RAD51B: variants seen among roughly 807,000 people sequenced by gnomAD.
RAD51B encodes DNA repair protein RAD51 homolog 2.
RAD51B carries 38 observed loss-of-function variants against 42.2 expected under a neutral mutation model. The ratio of observed to expected loss-of-function variants is 0.90; its 90% CI spans 0.70 to 1.18. The LOEUF is 1.18. Among genes scored for constraint, RAD51B ranks in the 50% most tolerant of loss-of-function variants. RAD51B has a pLI of 0.00. For missense variants in RAD51B, 373 were observed against 400.7 expected (o/e 0.93, Z 0.59); for synonymous variants, 154 against 145.2 (o/e 1.06, Z -0.43).
rs181924992 is a variant in RAD51B at position 67,976,413 on chromosome 14, T to C, written c.756+89209T>C. On this transcript the variant is annotated intron_variant, in intron 7 of 10. Coordinates refer to ENST00000471583, the MANE Select transcript of RAD51B (RefSeq NM_133510.4). ...AATTACAGGTGTGAGCCACTCCACT[T>C]GGCTCAACTCTAGTTTTTTGTTTTT... Among the ~76,000 whole-genome samples, 634 of 151,996 alleles carry C rather than the reference T, an allele frequency of 4.2e-3. 5 individuals are homozygous for C. Among genetic ancestry groups the C allele is most frequent in the Middle Eastern group, 0.014 (4 of 292 alleles).
intron 8 of RAD51B, among the ~76,000 whole-genome samples, chr14:68,316,486 T>C (rs371945582): frequency 6.6e-6 from 1 of 152,192 alleles, no homozygotes; most frequent in African/African-American, 2.4e-5. Context: ...TTAGCCAACA[T>C]GCAACATTAG....
Position 67,965,942 on chromosome 14 carries a change from C to G in RAD51B, c.756+78738C>G, listed in dbSNP as rs74452164. ...GCCGACTAGTTTCTCTTGGGCAAAC[C>G]AGGAAGAAGGACTCAATCCCAGAAG... On this transcript the variant is annotated intron_variant, in intron 7 of 10. Transcript: ENST00000471583. Among the ~76,000 whole-genome samples the G allele has an allele frequency of 3.3e-3, 507 of 152,180 alleles. 3 individuals are homozygous for G. Among genetic ancestry groups the G allele is most frequent in the African/African-American group, 0.012 (484 of 41,516 alleles).
At chr14:68,518,733 G>A (rs1338044912) in intron 10 of RAD51B, among the ~76,000 whole-genome samples, 1 of 152,192 alleles carries the variant, frequency 6.6e-6, no homozygotes, top group East Asian at 1.9e-4. Context: ...GTTGAACAAG[G>A]TTAGCAGCGT....
intron 7 of RAD51B, among the ~76,000 whole-genome samples, chr14:68,001,123 G>A (rs868015582): frequency 3.0e-4 from 46 of 152,130 alleles, no homozygotes; most frequent in African/African-American, 1.1e-3. Context: ...TTTTTATTAT[G>A]TAATCCAATC....
intron 9 of RAD51B, among the ~76,000 whole-genome samples, chr14:68,425,979 C>CTTCCTTT (rs1555408046): frequency 1.7e-5 from 1 of 58,808 alleles, no homozygotes; most frequent in East Asian, 3.0e-4. Context: ...TTTCTTTCTT[C>CTTCCTTT]CTTCCTTCCT....
intron 1 of RAD51B, among the ~76,000 whole-genome samples, chr14:67,822,719 C>CT (rs1421755140): frequency 1.3e-5 from 2 of 151,578 alleles, no homozygotes; most frequent in African/African-American, 4.8e-5. Context: ...CCAGACCTGT[C>CT]TCGCTCTCTC....
intron 7 of RAD51B, among the ~76,000 whole-genome samples, chr14:68,079,224 G>C (rs1286214153): frequency 6.6e-6 from 1 of 151,962 alleles, no homozygotes; most frequent in African/African-American, 2.4e-5. Flanking sequence ...CACTATGCTG[G>C]TATGATTTCA....
At chr14:67,957,235 A>G (rs2074569097) in intron 7 of RAD51B, among the ~76,000 whole-genome samples, 1 of 152,234 alleles carries the variant, frequency 6.6e-6, no homozygotes, top group South Asian at 2.1e-4. Flanking sequence ...GTTAAGTTGG[A>G]GATAAAGCAG....
At chr14:68,112,864 CATT>C (rs1290486206) in intron 7 of RAD51B, among the ~76,000 whole-genome samples, 1 of 152,090 alleles carries the variant, frequency 6.6e-6, no homozygotes, top group African/African-American at 2.4e-5. Context: ...GACATGTCAT[CATT>C]GTTTCTTTAC....
intron 7 of RAD51B, among the ~76,000 whole-genome samples, chr14:68,054,105 T>C (rs1406936561): frequency 1.3e-5 from 2 of 152,220 alleles, no homozygotes. Context: ...AAACATGATG[T>C]AATTATCAAA....
chr14:68,021,336 G>A (rs554093015), intron 7 of RAD51B, among the ~76,000 whole-genome samples: 1 of 152,264 alleles, frequency 6.6e-6, no homozygotes, highest in African/African-American at 2.4e-5. Context: ...CTGCAATTTC[G>A]ATATTGCTAA....
chr14:68,380,735 C>A (rs997207508), intron 8 of RAD51B, among the ~76,000 whole-genome samples: 1 of 152,198 alleles, frequency 6.6e-6, no homozygotes, highest in Non-Finnish European at 1.5e-5. Flanking sequence ...AATCCCAAAT[C>A]TTTTGTTGCA....
intron 5 of RAD51B, among the ~76,000 whole-genome samples, chr14:67,868,548 A>C (rs1413172302): frequency 6.6e-6 from 1 of 152,218 alleles, no homozygotes; most frequent in Non-Finnish European, 1.5e-5. Flanking sequence ...TAGGTAAACA[A>C]AGCAGCCAGG....
At position 68,397,089 on chromosome 14, in the gene RAD51B, T is replaced by G. The variant is rs529779637; in HGVS notation, c.854-14335T>G. 5.1e-4 allele frequency among the ~76,000 whole-genome samples: 77 copies of G among 152,230 alleles called. 1 individual carries two copies. The highest frequency in any genetic ancestry group is 5.9e-4 in the Admixed American group (9 of 15,286). On this transcript the variant is annotated intron_variant, in intron 8 of 10. Transcript: ENST00000471583. ...GATAATGTATGTAAGGTGTTTAGCC[T>G]GGAAAACAATAATTATCCCAAAGTG...
chr14:67,824,527 G>T (rs2040743778), intron 2 of RAD51B, among the ~76,000 whole-genome samples: 1 of 152,022 alleles, frequency 6.6e-6, no homozygotes, highest in Non-Finnish European at 1.5e-5. Flanking sequence ...CAAAGTGCTA[G>T]CATTACAGAC....
In RAD51B at chr14:68,618,309, A is replaced by T. The variant is rs532892753; in HGVS notation, c.1037-32472A>T. On this transcript the variant is annotated intron_variant, in intron 10 of 11. Coordinates refer to the RAD51B transcript ENST00000488612. ...TCAGGCAAAAAGAGACACAAACAGG[A>T]AACTACAAGACAGAAAGGATGTTTA... Among the ~76,000 whole-genome samples the T allele has an allele frequency of 2.0e-5, 3 of 152,334 alleles. No homozygotes were observed. In the East Asian group the frequency reaches 5.8e-4, roughly 29 times the overall value.
Position 68,046,401 on chromosome 14 carries a change from G to A in RAD51B, c.756+159197G>A, listed in dbSNP as rs572243454. Among the ~76,000 whole-genome samples the A allele has an allele frequency of 1.2e-4, 19 of 152,304 alleles. No homozygotes were observed. In the South Asian group the frequency reaches 3.9e-3, roughly 32 times the overall value. ...GGAAGTTCTGGGATTATAGATGTGA[G>A]CCACCATGCTTGGCCCTAAAACTTT... On this transcript the variant is annotated intron_variant, in intron 7 of 10. Transcript: ENST00000471583.
chr14:68,149,957 T>A (rs1247940961), intron 7 of RAD51B: 3 of 152,236 alleles, frequency 2.0e-5, no homozygotes, highest in Non-Finnish European at 4.4e-5. Context: ...ACTTTTTTTT[T>A]TTTTGAGACA....
intron 10 of RAD51B, among the ~76,000 whole-genome samples, chr14:68,608,535 C>T (rs1221566485): frequency 6.6e-6 from 1 of 152,170 alleles, no homozygotes; most frequent in Non-Finnish European, 1.5e-5. Flanking sequence ...CTTTAACCTC[C>T]CTGGAGGAGG....
Sources: gnomAD v4.1 joint callset for allele counts (sites outside exome capture counted in the v4.1 genomes callset) on GRCh38, gnomAD v4.1.1 for gene constraint, MANE v1.5 for transcripts, NCBI Gene and HGNC (gene_info 2026-07-23, HGNC 2026-07-21) for gene names.